ITPR2: variants seen among roughly 807,000 people sequenced by gnomAD.
ITPR2 encodes the protein inositol 1,4,5-trisphosphate receptor type 2, also known as inositol 1,4,5-trisphosphate-gated calcium channel ITPR2.
Under a neutral mutation model 317.1 loss-of-function variants are expected in ITPR2, and 207 were observed. The observed-to-expected ratio is 0.65, with a 90% CI of 0.58 to 0.73. The LOEUF is 0.73. Ranked by LOEUF, ITPR2 falls within the 30% of genes least tolerant of loss-of-function variation. ITPR2 has a pLI of 0.00. For missense variants in ITPR2, 2,613 were observed against 3,284.0 expected, an observed-to-expected ratio of 0.80 and a Z score of 4.99; for synonymous variants, 1,156 against 1,149.1, an observed-to-expected ratio of 1.01 and a Z score of -0.12.
At position 26,339,481 on chromosome 12, in the gene ITPR2, C is replaced by A; in HGVS notation, c.8022G>T (p.Met2674Ile). The change falls in exon 57 of 57, where the codon ATG becomes ATT. Residue 2674 changes from methionine to isoleucine, a missense_variant and splice_region_variant. Physicochemically the swap from Met to Ile is conservative, Grantham distance 10 (BLOSUM62 1). Transcript: ENST00000381340. ...SGQLAELKEQ[M>I]TEQRKNKQRL... ...TCTGCTTATTCTTCCTTTGTTCTGT[C>A]ATCTGGGGGAAAAGAGAGAGTGTGT... is the stretch of plus-strand genomic sequence containing the variant. 6.2e-7 allele frequency: 1 copy of A among 1,613,418 alleles called. No individual in the cohort carries two copies. The highest frequency in any genetic ancestry group is 8.5e-7 in the Non-Finnish European group (1 of 1,179,516).
chr12:26,656,375 C>T lies in ITPR2; in HGVS notation c.2366G>A (p.Arg789Gln), dbSNP rs1565670051. 6.2e-7 allele frequency: 1 copy of T among 1,614,156 alleles called. No individual in the cohort carries two copies. The highest frequency in any genetic ancestry group is 8.5e-7 in the Non-Finnish European group (1 of 1,180,034). ...AGGCACCACGGACTCCTGGGGATCC[C>T]GGTCAACGTGCATGTGGAGCATGAG... ...CRLMLHMHVD[R>Q]DPQESVVPVR... Residue 789 changes from arginine (R) to glutamine (Q), a missense_variant, in exon 19 of 57, where the codon CGG becomes CAG. Around this residue, in one of 9 missense-constraint regions of ITPR2, gnomAD observed 817 missense variants for 897.6 expected, o/e 0.91. Coordinates refer to ENST00000381340, the MANE Select transcript of ITPR2 (RefSeq NM_002223.4).
intron 11 of ITPR2, among the ~76,000 whole-genome samples, chr12:26,684,862 G>A (rs1368607444): frequency 2.0e-5 from 3 of 152,016 alleles, no homozygotes; most frequent in African/African-American, 7.2e-5. Flanking sequence ...TAAGGTCCCA[G>A]TCCTGGGAGG....
intron 49 of ITPR2, chr12:26,419,434 A>G: frequency 4.7e-6 from 2 of 427,348 alleles, no homozygotes; most frequent in Non-Finnish European, 8.4e-6. Context: ...ACAAACTGGC[A>G]CGTAAACATA....
At chr12:26,449,863 TATACATGTTCAA>T (rs1044823716) in intron 45 of ITPR2, among the ~76,000 whole-genome samples, 4 of 152,172 alleles carry the variant, frequency 2.6e-5, no homozygotes, top group African/African-American at 9.7e-5. Flanking sequence ...GCCAAAAAGA[TATACATGTTCAA>T]ATCTTATCTC....
intron 1 of ITPR2, among the ~76,000 whole-genome samples, chr12:26,795,113 A>G (rs1353450293): frequency 6.6e-6 from 1 of 152,250 alleles, no homozygotes; most frequent in Non-Finnish European, 1.5e-5. Flanking sequence ...AAACATCATT[A>G]ATTTGCATAA....
At chr12:26,399,768 C>T (rs1023917776) in intron 53 of ITPR2, among the ~76,000 whole-genome samples, 1 of 152,162 alleles carries the variant, frequency 6.6e-6, no homozygotes, top group Non-Finnish European at 1.5e-5. Context: ...TATTCCTATG[C>T]AGAAGCAAAG....
intron 37 of ITPR2, among the ~76,000 whole-genome samples, chr12:26,534,136 C>T (rs1352860128): frequency 6.6e-6 from 1 of 152,210 alleles, no homozygotes; most frequent in Non-Finnish European, 1.5e-5. Flanking sequence ...GAAGTAGGTC[C>T]TTCATCTGCT....
At chr12:26,526,820 T>A in intron 37 of ITPR2, among the ~76,000 whole-genome samples, 1 of 152,284 alleles carries the variant, frequency 6.6e-6, no homozygotes, top group East Asian at 1.9e-4. Context: ...GACTAGCTGA[T>A]GCATTTGCCA....
intron 1 of ITPR2, among the ~76,000 whole-genome samples, chr12:26,806,664 G>A (rs984937413): frequency 8.5e-5 from 13 of 152,192 alleles, no homozygotes; most frequent in African/African-American, 3.1e-4. Context: ...ACTACTGAGT[G>A]GTAGTAGCTG....
chr12:26,766,729 T>C (rs1366088658), intron 2 of ITPR2, among the ~76,000 whole-genome samples: 1 of 152,226 alleles, frequency 6.6e-6, no homozygotes, highest in Non-Finnish European at 1.5e-5. Flanking sequence ...CTGTGTTTGC[T>C]TCTAATTGTT....
chr12:26,602,484 C>T lies in ITPR2; in HGVS notation c.3564G>A (p.Arg1188=), dbSNP rs61754416. 2.7e-5 allele frequency: 43 copies of T among 1,610,004 alleles called. No individual in the cohort carries two copies. Among genetic ancestry groups the T allele is most frequent in the Middle Eastern group, 3.3e-4 (2 of 6,076 alleles). The change falls in exon 28 of 57, where the codon AGG becomes AGA. Residue 1188 remains arginine, a synonymous_variant. Transcript: ENST00000381340. ...TATTCTGCACACAGAGTTTACTTAG[C>T]CTGATCAAAATCTTTAAAAGGAAGA... ...NYRIVKEILI[R]LSKLCVQNKK... is the part of the protein sequence containing the mutation.
intron 55 of ITPR2, among the ~76,000 whole-genome samples, chr12:26,347,278 A>G (rs1455159657): frequency 6.6e-6 from 1 of 152,252 alleles, no homozygotes; most frequent in Non-Finnish European, 1.5e-5. Flanking sequence ...ATGTTAGGCG[A>G]ACATTGGAGA....
At chr12:26,674,810 T>A (rs1318396045) in intron 13 of ITPR2, among the ~76,000 whole-genome samples, 4 of 152,056 alleles carry the variant, frequency 2.6e-5, no homozygotes, top group African/African-American at 9.7e-5. Flanking sequence ...GACAAAGGGC[T>A]AATATCCAGA....
Position 26,471,512 on chromosome 12 carries a change from T to G in ITPR2, c.6342+3784A>C, listed in dbSNP as rs145906814. On this transcript the variant is annotated intron_variant, in intron 45 of 56. Transcript: ENST00000381340. ...CACTATAGTATTAGAAGTTAAGAAATTCCCTTTTTGAGGTACTTATAGTTT... is the reference window on the plus strand; with the variant it reads ...CACTATAGTATTAGAAGTTAAGAAAGTCCCTTTTTGAGGTACTTATAGTTT... Among the ~76,000 whole-genome samples, 705 of 152,264 alleles carry G rather than the reference T, an allele frequency of 4.6e-3. 9 individuals are homozygous for G. The highest frequency in any genetic ancestry group is 5.8e-3 in the Admixed American group (88 of 15,302).
Position 26,682,983 on chromosome 12 carries a change from G to A in ITPR2, c.1149-310C>T, listed in dbSNP as rs115009823. Among the ~76,000 whole-genome samples, 951 of 152,224 alleles carry A rather than the reference G, an allele frequency of 6.2e-3. 13 individuals carry two copies. Among genetic ancestry groups the A allele is most frequent in the African/African-American group, 0.022 (910 of 41,536 alleles). ...CTGAATCAGAAACTTTGGGGGTGTG[G>A]CCCAACAATGAGTGGTTTAATAGGT... On this transcript the variant is annotated intron_variant, in intron 11 of 56. Transcript: ENST00000381340.
intron 15 of ITPR2, among the ~76,000 whole-genome samples, chr12:26,662,822 A>C (rs1947532429): frequency 6.6e-6 from 1 of 151,930 alleles, no homozygotes; most frequent in South Asian, 2.1e-4. Context: ...ACAGACACAC[A>C]CCACCACACC....
chr12:26,541,314 T>C (rs970972621), intron 37 of ITPR2, among the ~76,000 whole-genome samples: 1 of 151,926 alleles, frequency 6.6e-6, no homozygotes, highest in Non-Finnish European at 1.5e-5. Context: ...TGAAACTCCA[T>C]CTCAAAAAAA....
intron 21 of ITPR2, among the ~76,000 whole-genome samples, chr12:26,653,266 G>A (rs1191426905): frequency 9.3e-6 from 1 of 107,646 alleles, no homozygotes; most frequent in African/African-American, 3.7e-5. Context: ...TTTTTTTTGA[G>A]ATGGAGTCTC....
intron 30 of ITPR2, among the ~76,000 whole-genome samples, chr12:26,597,979 T>C (rs2136731852): frequency 6.6e-6 from 1 of 152,332 alleles, no homozygotes; most frequent in African/African-American, 2.4e-5. Flanking sequence ...AAAGAGAATG[T>C]ATGTGTATCA....
Sources: allele counts gnomAD v4.1 joint callset (sites outside exome capture counted in the v4.1 genomes callset), GRCh38; gene constraint gnomAD v4.1.1; regional missense constraint gnomAD v4.1.1; transcripts MANE v1.5; gene names NCBI Gene and HGNC (gene_info 2026-07-23, HGNC 2026-07-21).